Variants in ERBB4 observed in about 807,000 individuals in gnomAD.
The protein encoded by ERBB4 is erb-b2 receptor tyrosine kinase 4, also known as receptor tyrosine-protein kinase erbB-4.
In ERBB4, 42 loss-of-function variants were observed where a neutral mutation model predicts 158.0. That is an observed-to-expected ratio of 0.27 (90% CI 0.21 to 0.34). The LOEUF (loss-of-function observed/expected upper bound fraction) is 0.34. ERBB4 is among the 10% of genes least tolerant of loss of function. The probability of loss-of-function intolerance (pLI) is 1.00; values close to 1 mark genes in which losing one functional copy is unlikely to be tolerated. For synonymous variants in ERBB4, 583 were observed against 558.7 expected (o/e 1.04, Z -0.61); for missense variants, 1,333 against 1,624.1 (o/e 0.82, Z 3.08).
chr2:211,892,791 G>T (rs1212419328), intron 3 of ERBB4, among the ~76,000 whole-genome samples: 12 of 143,508 alleles, frequency 8.4e-5, no homozygotes, highest in Admixed American at 8.2e-4. Context: ...GCCAAATCAT[G>T]AGTGAACTCC....
At chr2:212,216,209 T>C (rs2083095074) in intron 1 of ERBB4, among the ~76,000 whole-genome samples, 1 of 151,322 alleles carries the variant, frequency 6.6e-6, no homozygotes, top group South Asian at 2.1e-4. Flanking sequence ...TTCCCTCTCC[T>C]TTTATTGATG....
intron 20 of ERBB4, among the ~76,000 whole-genome samples, chr2:211,463,073 C>A (rs576525377): frequency 6.6e-6 from 1 of 152,146 alleles, no homozygotes; most frequent in South Asian, 2.1e-4. Flanking sequence ...CTAAAATTAT[C>A]CCAGAAAAAA....
Position 212,451,945 on chromosome 2 carries a change from T to C in ERBB4, c.82+86504A>G, listed in dbSNP as rs114325560. Among the ~76,000 whole-genome samples the C allele has an allele frequency of 8.5e-3, 1,288 of 151,624 alleles. 14 individuals carry two copies. The highest frequency in any genetic ancestry group is 0.029 in the African/African-American group (1,207 of 41,344). On this transcript the variant is annotated intron_variant, in intron 1 of 27. Coordinates refer to ENST00000342788, the MANE Select transcript of ERBB4 (RefSeq NM_005235.3). Reference sequence around the variant, plus strand: ...TCACCAGAGAAAGCATGTAGCACAATAGAACAACAGAAGGATTGTCTCAGG... The same window carrying C: ...TCACCAGAGAAAGCATGTAGCACAACAGAACAACAGAAGGATTGTCTCAGG...
intron 25 of ERBB4, among the ~76,000 whole-genome samples, chr2:211,399,185 G>C (rs2062982894): frequency 6.6e-6 from 1 of 152,164 alleles, no homozygotes; most frequent in Non-Finnish European, 1.5e-5. Flanking sequence ...TATGCCCCAT[G>C]TGAATAATTT....
chr2:212,188,235 C>CTCTCTCTCTCT lies in ERBB4; in HGVS notation c.83-63333_83-63332insAGAGAGAGAGA, dbSNP rs1559691606. On this transcript the variant is annotated intron_variant, in intron 1 of 27. Transcript: ENST00000342788. ...CTCTCTCTCTCTCTCTCTCTCTCTC[C>CTCTCTCTCTCT]CCCCCCCTCTCACCCCCTCCCTCCC... Among the ~76,000 whole-genome samples, 5 of 8,608 alleles carry CTCTCTCTCTCT rather than the reference C, an allele frequency of 5.8e-4. 2 individuals carry two copies. The highest frequency in any genetic ancestry group is 1.6e-3 in the African/African-American group (5 of 3,130). 5.6% of individuals were successfully genotyped at this position (8,608 alleles called of 152,430 possible). A position where few individuals can be genotyped will look rare whatever the true frequency, so the allele number is the denominator to read the frequency against.
chr2:211,655,839 T>C (rs2071193868), intron 16 of ERBB4, among the ~76,000 whole-genome samples: 1 of 152,240 alleles, frequency 6.6e-6, no homozygotes, highest in South Asian at 2.1e-4. Flanking sequence ...TAGTCTTGAT[T>C]GTGCCCAAGT....
At chr2:212,489,436 C>T (rs184000933) in intron 1 of ERBB4, among the ~76,000 whole-genome samples, 3 of 152,034 alleles carry the variant, frequency 2.0e-5, no homozygotes, top group Admixed American at 6.6e-5. Flanking sequence ...TTCTATTGCT[C>T]ACTCCCCCAA....
chr2:211,919,567 A>G (rs906172403), intron 3 of ERBB4, among the ~76,000 whole-genome samples: 1 of 152,152 alleles, frequency 6.6e-6, no homozygotes, highest in Non-Finnish European at 1.5e-5. Flanking sequence ...TAATCCCATC[A>G]GGTCTTATGG....
At chr2:211,876,193 G>T (rs1389246009) in intron 3 of ERBB4, among the ~76,000 whole-genome samples, 1 of 152,082 alleles carries the variant, frequency 6.6e-6, no homozygotes, top group African/African-American at 2.4e-5. Context: ...ATCACATTTT[G>T]CCAAAATATT....
chr2:211,688,376 T>C (rs1402942045), intron 12 of ERBB4, among the ~76,000 whole-genome samples: 1 of 152,162 alleles, frequency 6.6e-6, no homozygotes, highest in African/African-American at 2.4e-5. Flanking sequence ...CCTGGAGTTC[T>C]TGGGACTCTG....
At chr2:211,452,088 C>T (rs1196222659) in intron 20 of ERBB4, among the ~76,000 whole-genome samples, 1 of 152,204 alleles carries the variant, frequency 6.6e-6, no homozygotes, top group African/African-American at 2.4e-5. Context: ...ATCCAGCACT[C>T]ATACACTGCA....
chr2:212,289,043 T>G (rs2086109119), intron 1 of ERBB4, among the ~76,000 whole-genome samples: 1 of 151,872 alleles, frequency 6.6e-6, no homozygotes. Flanking sequence ...AAAAGAAACC[T>G]CCTGACAACA....
chr2:211,954,745 GC>G (rs1454719345), intron 2 of ERBB4, among the ~76,000 whole-genome samples: 1 of 152,018 alleles, frequency 6.6e-6, no homozygotes, highest in Non-Finnish European at 1.5e-5. Flanking sequence ...GCAAATTGTA[GC>G]CTCTCCATCA....
intron 3 of ERBB4, among the ~76,000 whole-genome samples, chr2:211,917,457 G>A (rs2079728496): frequency 6.6e-6 from 1 of 152,070 alleles, no homozygotes; most frequent in Non-Finnish European, 1.5e-5. Flanking sequence ...ATTAACTTAT[G>A]CAGTCATTAC....
chr2:211,577,855 A>G (rs914257695), intron 19 of ERBB4, among the ~76,000 whole-genome samples: 4 of 152,194 alleles, frequency 2.6e-5, no homozygotes, highest in African/African-American at 4.8e-5. Flanking sequence ...AGTCAGTATC[A>G]TACCAAATGG....
intron 16 of ERBB4, among the ~76,000 whole-genome samples, chr2:211,636,185 T>C (rs1336283228): frequency 6.6e-6 from 1 of 152,028 alleles, no homozygotes; most frequent in South Asian, 2.1e-4. Context: ...ACAGGGATTT[T>C]TTTTTGTAAA....
At chr2:212,140,272 T>C (rs1241274791) in intron 1 of ERBB4, among the ~76,000 whole-genome samples, 1 of 150,634 alleles carries the variant, frequency 6.6e-6, no homozygotes, top group Admixed American at 6.6e-5. Context: ...CATATATACA[T>C]AAAAATATTA....
intron 2 of ERBB4, among the ~76,000 whole-genome samples, chr2:212,005,195 T>G (rs1457131700): frequency 6.6e-6 from 1 of 152,146 alleles, no homozygotes; most frequent in Non-Finnish European, 1.5e-5. Context: ...GAAATCTTTT[T>G]GAATCCCATT....
At chr2:211,420,659 TTAAATA>T (rs763568626) in intron 24 of ERBB4, 48 bp from the exon 25 acceptor site, 32 of 1,465,892 alleles carry the variant, frequency 2.2e-5, no homozygotes, top group Non-Finnish European at 1.6e-5. Context: ...CTTTCTTATC[TTAAATA>T]TGTGGTCTCT....
Sources: gnomAD v4.1 joint callset for allele counts (sites outside exome capture counted in the v4.1 genomes callset) on GRCh38, gnomAD v4.1.1 for gene constraint, MANE v1.5 for transcripts, NCBI Gene and HGNC (gene_info 2026-07-23, HGNC 2026-07-21) for gene names.